Variants in ASTN1 observed in about 807,000 individuals in gnomAD.
ASTN1 encodes astrotactin-1.
ASTN1 carries 41 observed loss-of-function variants against 140.7 expected under a neutral mutation model. The ratio of observed to expected loss-of-function variants is 0.29; its 90% CI spans 0.23 to 0.38. The LOEUF (loss-of-function observed/expected upper bound fraction) is 0.38, where lower values mean the gene tolerates loss of function less well. Ranked by LOEUF, ASTN1 falls within the 10% of genes least tolerant of loss-of-function variation. The pLI is 1.00. For synonymous variants in ASTN1, 640 were observed against 652.2 expected (o/e 0.98, Z 0.29); for missense variants, 1,479 against 1,678.8 (o/e 0.88, Z 2.08).
intron 14 of ASTN1, among the ~76,000 whole-genome samples, chr1:176,940,925 C>T (rs1033470034): frequency 6.6e-6 from 1 of 152,134 alleles, no homozygotes; most frequent in Admixed American, 6.5e-5. Context: ...TCTCTAATGT[C>T]GAGGTGTTGT....
In ASTN1 at chr1:176,864,096, T is replaced by C. The variant is rs765854117; in HGVS notation, c.*188A>G. ...AGCCACTGGCTGGCAGATTTCCCAA[T>C]CATGCAGATGGAGAACATCATACTG... is the stretch of plus-strand genomic sequence containing the variant. On this transcript the variant is annotated 3_prime_UTR_variant, in exon 23 of 23. Coordinates refer to ENST00000361833, the MANE Select transcript of ASTN1 (RefSeq NM_004319.3). The C allele has an allele frequency of 3.2e-5, 46 of 1,416,334 alleles. No individual in the cohort carries two copies. Among genetic ancestry groups the C allele is most frequent in the Non-Finnish European group, 4.1e-5 (45 of 1,088,024 alleles). 87.7% of individuals were successfully genotyped at this position (1,416,334 alleles called of 1,614,324 possible).
At chr1:177,102,860 G>A (rs907570466) in intron 1 of ASTN1, among the ~76,000 whole-genome samples, 13 of 152,196 alleles carry the variant, frequency 8.5e-5, no homozygotes, top group African/African-American at 2.7e-4. Flanking sequence ...GAAAATGCCA[G>A]TGGTGCCAAC....
intron 1 of ASTN1, among the ~76,000 whole-genome samples, chr1:177,066,484 T>G (rs1303592644): frequency 6.6e-6 from 1 of 152,176 alleles, no homozygotes; most frequent in Non-Finnish European, 1.5e-5. Context: ...GATTGTGAGC[T>G]TGTAGCACTT....
At chr1:176,917,000 T>C (rs1040913634) in intron 16 of ASTN1, among the ~76,000 whole-genome samples, 2 of 152,028 alleles carry the variant, frequency 1.3e-5, no homozygotes, top group Non-Finnish European at 2.9e-5. Context: ...TTGTGCTTTT[T>C]TCCTTTTTAG....
intron 1 of ASTN1, among the ~76,000 whole-genome samples, chr1:177,103,237 C>T (rs1431515524): frequency 6.6e-6 from 1 of 152,142 alleles, no homozygotes; most frequent in Non-Finnish European, 1.5e-5. Flanking sequence ...AACTTCCTGA[C>T]TCATAATGAG....
At chr1:176,880,154 G>T (rs1445288241) in intron 20 of ASTN1, among the ~76,000 whole-genome samples, 3 of 152,172 alleles carry the variant, frequency 2.0e-5, no homozygotes, top group Non-Finnish European at 4.4e-5. Context: ...GGCTGGGATT[G>T]TTCAGCCCAC....
intron 1 of ASTN1, among the ~76,000 whole-genome samples, chr1:177,125,692 C>T (rs906365210): frequency 3.3e-5 from 5 of 152,298 alleles, no homozygotes; most frequent in East Asian, 1.9e-4. Context: ...GTATATTACA[C>T]GAAGGACATT....
At chr1:176,906,862 A>G (rs529589250) in intron 16 of ASTN1, among the ~76,000 whole-genome samples, 9 of 145,450 alleles carry the variant, frequency 6.2e-5, no homozygotes, top group African/African-American at 2.2e-4. Context: ...AAAAAAAAAG[A>G]AAAAAATATT....
At chr1:177,011,645 T>TCAC (rs563979447) in intron 8 of ASTN1, among the ~76,000 whole-genome samples, 6 of 143,838 alleles carry the variant, frequency 4.2e-5, no homozygotes, top group Non-Finnish European at 9.2e-5. Context: ...CAGGCACCAC[T>TCAC]CACACACACA....
At chr1:176,895,706 C>T (rs981183607) in intron 16 of ASTN1, among the ~76,000 whole-genome samples, 1 of 152,274 alleles carries the variant, frequency 6.6e-6, no homozygotes, top group African/African-American at 2.4e-5. Context: ...AATTGCCTAC[C>T]AGAGAATAAT....
At chr1:176,905,798 G>A (rs1282265389) in intron 16 of ASTN1, among the ~76,000 whole-genome samples, 1 of 152,152 alleles carries the variant, frequency 6.6e-6, no homozygotes, top group African/African-American at 2.4e-5. Flanking sequence ...TCTGGTCTCT[G>A]CAGCTGCCTC....
intron 16 of ASTN1, among the ~76,000 whole-genome samples, chr1:176,912,980 C>G (rs1479004641): frequency 6.6e-6 from 1 of 152,202 alleles, no homozygotes; most frequent in Non-Finnish European, 1.5e-5. Context: ...TCCAACTTCT[C>G]TCCACCATCC....
intron 5 of ASTN1, 132 bp from the exon 6 acceptor site, chr1:177,024,864 T>A: frequency 1.0e-6 from 1 of 997,446 alleles, no homozygotes; most frequent in Non-Finnish European, 1.5e-6. Flanking sequence ...GGGAACTGTC[T>A]CTGGCTGCAT....
chr1:176,908,726 G>A (rs538126568), intron 16 of ASTN1, among the ~76,000 whole-genome samples: 1 of 152,196 alleles, frequency 6.6e-6, no homozygotes, highest in African/African-American at 2.4e-5. Flanking sequence ...ATGGCTTCTG[G>A]TATGTAAGCT....
intron 1 of ASTN1, among the ~76,000 whole-genome samples, chr1:177,134,494 C>T (rs993932748): frequency 2.0e-5 from 3 of 152,118 alleles, no homozygotes; most frequent in African/African-American, 7.2e-5. Context: ...CCCCACCAAC[C>T]CACTGGAGTG....
intron 16 of ASTN1, among the ~76,000 whole-genome samples, chr1:176,906,857 A>G (rs899037464): frequency 1.3e-5 from 2 of 151,586 alleles, no homozygotes; most frequent in South Asian, 4.1e-4. Flanking sequence ...AAAAAAAAAA[A>G]AAAGAAAAAA....
Position 176,894,672 on chromosome 1 carries a change from G to A in ASTN1, c.2830C>T (p.Pro944Ser). ...HSKGRCPSSC[P>S]LCHVTSSPDT... The stretch of plus-strand genomic sequence containing the variant: ...GGGCTGGATGTCACATGACACAGGG[G>A]GCAGGACGAGGGGCATCGTCCCTTG... Residue 944 changes from proline to serine, a missense_variant, in exon 17 of 23, where the codon CCC becomes TCC. This residue lies in a region of ASTN1 where 746 missense variants were observed against 800.9 expected (regional missense o/e 0.93). Coordinates refer to ENST00000361833, the MANE Select transcript of ASTN1 (RefSeq NM_004319.3). 6.2e-7 allele frequency: 1 copy of A among 1,614,116 alleles called. No individual in the cohort carries two copies. Among genetic ancestry groups the A allele is most frequent in the Non-Finnish European group, 8.5e-7 (1 of 1,180,024 alleles).
intron 1 of ASTN1, among the ~76,000 whole-genome samples, chr1:177,093,348 G>A (rs1679862655): frequency 6.6e-6 from 1 of 152,118 alleles, no homozygotes; most frequent in Admixed American, 6.6e-5. Flanking sequence ...CACTGTACGT[G>A]ATATCCATAA....
intron 7 of ASTN1, among the ~76,000 whole-genome samples, chr1:177,016,314 A>G (rs1018102069): frequency 3.4e-5 from 1 of 29,416 alleles, no homozygotes; most frequent in African/African-American, 1.0e-4. Flanking sequence ...CTTCATTTGT[A>G]AAAAAAAAAA....
Sources: allele counts gnomAD v4.1 joint callset (sites outside exome capture counted in the v4.1 genomes callset), GRCh38; gene constraint gnomAD v4.1.1; regional missense constraint gnomAD v4.1.1; transcripts MANE v1.5; gene names NCBI Gene and HGNC (gene_info 2026-07-23, HGNC 2026-07-21).